Variants in TFPT observed in about 807,000 individuals in gnomAD.
TFPT encodes the protein TCF3 fusion partner, also known as INO80 complex subunit F.
In TFPT, 27 loss-of-function variants were observed where a neutral mutation model predicts 28.8. The observed-to-expected ratio is 0.94, with a 90% CI of 0.69 to 1.29. The LOEUF (loss-of-function observed/expected upper bound fraction) is 1.29, where lower values mean the gene tolerates loss of function less well. Ranked by LOEUF, TFPT falls within the 50% of genes most tolerant of loss-of-function variation. The probability of loss-of-function intolerance (pLI) is 0.00; values close to 1 mark genes in which losing one functional copy is unlikely to be tolerated. For synonymous variants in TFPT, 152 were observed against 142.8 expected (o/e 1.06, Z -0.46); for missense variants, 330 against 338.0 (o/e 0.98, Z 0.19).
At chr19:54,108,273 TG>T (rs1317087571) in intron 4 of TFPT, 29 bp from the exon 5 acceptor site, 4 of 1,575,340 alleles carry the variant, frequency 2.5e-6, no homozygotes, top group Non-Finnish European at 3.4e-6. Context: ...AGGTAGGTGA[TG>T]GGTGGGTCCT....
intron 2 of TFPT, among the ~76,000 whole-genome samples, chr19:54,111,739 C>T (rs2073462095): frequency 6.6e-6 from 1 of 150,640 alleles, no homozygotes; most frequent in Non-Finnish European, 1.5e-5. Context: ...AATCCCAGCA[C>T]TTTCAGAGGC....
At chr19:54,107,963 T>C (rs2073319916) in intron 5 of TFPT, 63 bp downstream of exon 5, 3 of 1,473,170 alleles carry the variant, frequency 2.0e-6, no homozygotes, top group Non-Finnish European at 2.7e-6. Context: ...TCCCCCCTCC[T>C]TACCTGCACT....
At chr19:54,108,444 T>C (rs1323820646) in intron 3 of TFPT, 49 bp from the exon 4 acceptor site, 10 of 1,613,900 alleles carry the variant, frequency 6.2e-6, no homozygotes, top group Non-Finnish European at 7.6e-6. Context: ...TCCTAGCGGC[T>C]GGGGAAAAGG....
Position 54,110,422 on chromosome 19 carries a change from TCCCATTAAGTCGAAACACA to T in TFPT, c.283-320_283-302del, listed in dbSNP as rs2073420887. On this transcript the variant is annotated intron_variant, in intron 2 of 5. Transcript: ENST00000391759. ...GTTACCTGCTCAGAGAGCCTGAACC[TCCCATTAAGTCGAAACACA>T]CCAGGCCAGGTGCGGTGGCTCACGC... is the stretch of plus-strand genomic sequence containing the variant. Among the ~76,000 whole-genome samples the T allele has an allele frequency of 2.0e-5, 3 of 152,108 alleles. No individual in the cohort carries two copies. In the South Asian group the frequency reaches 6.2e-4, roughly 32 times the overall value.
chr19:54,114,943 G>C (rs1290053596), intron 1 of TFPT: 15 of 671,662 alleles, frequency 2.2e-5, no homozygotes, highest in African/African-American at 5.5e-5. Context: ...CCTCCTCCCA[G>C]GATGCAAGAG....
chr19:54,115,105 C>G, intron 1 of TFPT, 142 bp downstream of exon 1: 1 of 1,290,756 alleles, frequency 7.7e-7, no homozygotes, highest in Non-Finnish European at 1.1e-6. Context: ...TGACCCCAGT[C>G]CATAAAAGGG....
In TFPT at chr19:54,107,077, C is replaced by T. The variant is rs1332096855; in HGVS notation, c.735G>A (p.Pro245=). The T allele has an allele frequency of 2.8e-5, 45 of 1,613,652 alleles. No individual in the cohort carries two copies. Among genetic ancestry groups the T allele is most frequent in the Middle Eastern group, 1.6e-4 (1 of 6,084 alleles). The change falls in exon 6 of 6, where the codon CCG becomes CCA. Residue 245 remains proline (P), a synonymous_variant. Coordinates refer to ENST00000391759, the MANE Select transcript of TFPT (RefSeq NM_013342.4). ...AGTCAGAGGCTGGGCTGGCCAGGGTCGGGTAGGGCAGCAGTTTGTCTGGAC... is the reference window on the plus strand; with the variant it reads ...AGTCAGAGGCTGGGCTGGCCAGGGTTGGGTAGGGCAGCAGTTTGTCTGGAC... ...SRGPDKLLPY[P]TLASPASD
chr19:54,114,441 C>G lies in TFPT; in HGVS notation c.282+1G>C, dbSNP rs2073552360. ...AAACCGGGGGATCCGCACTCACCTA[C>G]CTGCTCGATCTCCCGGCAGCGCCGA... On this transcript the variant is annotated splice_donor_variant, in intron 2 of 5. Transcript: ENST00000391759. LOFTEE classifies it high-confidence loss of function. 6.2e-7 allele frequency: 1 copy of G among 1,612,032 alleles called. No homozygotes were observed. Among genetic ancestry groups the G allele is most frequent in the Admixed American group, 1.7e-5 (1 of 59,944 alleles).
chr19:54,107,901 AC>A (rs1485211545), intron 5 of TFPT, 124 bp downstream of exon 5: 4 of 1,034,848 alleles, frequency 3.9e-6, no homozygotes, highest in African/African-American at 1.6e-5. Flanking sequence ...CAGAACCAAA[AC>A]CCAAGAGCCC....
intron 1 of TFPT, chr19:54,114,972 TTC>T: frequency 1.5e-6 from 1 of 662,002 alleles, no homozygotes; most frequent in Non-Finnish European, 2.5e-6. Flanking sequence ...TCCAGACTTT[TTC>T]TCTCCAAGGA....
chr19:54,108,334 C>T lies in TFPT; in HGVS notation c.415G>A (p.Val139Met). 1 of 1,605,978 alleles carries T rather than the reference C, an allele frequency of 6.2e-7. No homozygotes were observed. The highest frequency in any genetic ancestry group is 8.5e-7 in the Non-Finnish European group (1 of 1,175,942). ...GGAGGCCCAACACTCACCTCCAGCA[C>T]AATGGTGAACTGGCTGGCCCGGTAG... ...DDYRASQFTIVLEDEGSQGTD... is the reference protein window; with the variant it reads ...DDYRASQFTIMLEDEGSQGTD... The change falls in exon 4 of 6, where the codon GTG becomes ATG. Residue 139 changes from valine (V) to methionine (M), a missense_variant. Transcript: ENST00000391759.
intron 3 of TFPT, 30 bp downstream of exon 3, chr19:54,110,021 C>T: frequency 8.7e-6 from 14 of 1,611,756 alleles, no homozygotes; most frequent in Non-Finnish European, 1.1e-5. Flanking sequence ...CTGAGGCTCA[C>T]AGGCCCAGAG....
chr19:54,108,098 C>T lies in TFPT; in HGVS notation c.570G>A (p.Arg190=), dbSNP rs1303923761. The T allele has an allele frequency of 2.5e-6, 4 of 1,570,290 alleles. No homozygotes were observed. In the South Asian group the frequency reaches 3.5e-5, roughly 14 times the overall value. Residue 190 remains arginine, a synonymous_variant, in exon 5 of 6, where the codon CGG becomes CGA. Coordinates refer to ENST00000391759, the MANE Select transcript of TFPT (RefSeq NM_013342.4). ...CATCCCGTGGCACTCGCCGCCTCTT[C>T]CGCCCACTGGGCCCCTCACCGGGGG... ...SPAPGEGPSG[R]KRRRVPRDGR...
At chr19:54,113,951 C>T (rs2073532234) in intron 2 of TFPT, among the ~76,000 whole-genome samples, 1 of 152,190 alleles carries the variant, frequency 6.6e-6, no homozygotes, top group African/African-American at 2.4e-5. Context: ...CCTCAGCCTC[C>T]CAGTGCTAGG....
At chr19:54,110,492 C>A (rs587611379) in intron 2 of TFPT, among the ~76,000 whole-genome samples, 2 of 152,214 alleles carry the variant, frequency 1.3e-5, no homozygotes, top group African/African-American at 4.8e-5. Context: ...TTTGGGAGGC[C>A]GAGGCGAGTA....
intron 5 of TFPT, chr19:54,107,502 G>A (rs2073305438): frequency 3.0e-6 from 1 of 328,074 alleles, no homozygotes; most frequent in African/African-American, 2.2e-5. Flanking sequence ...TCCCACCTAG[G>A]CCTCCCAAAG....
rs2073301957 is a variant in TFPT at position 54,107,403 on chromosome 19, C to A, written c.643-234G>T. Reference sequence around the variant, plus strand: ...AGCTGGGACTACAGGCACTTGCCAACCAAGCCTAACATGTTTTTTCTTTTT... The same window carrying A: ...AGCTGGGACTACAGGCACTTGCCAAACAAGCCTAACATGTTTTTTCTTTTT... On this transcript the variant is annotated intron_variant, in intron 5 of 5. Transcript: ENST00000391759. The A allele has an allele frequency of 5.4e-6, 3 of 554,040 alleles. No homozygotes were observed. In the Admixed American group the frequency reaches 1.0e-4, roughly 18 times the overall value. The allele number at this position is 554,040 out of a possible 1,614,324, so 34.3% of individuals were successfully genotyped here.
intron 3 of TFPT, chr19:54,108,989 G>A: frequency 5.6e-6 from 1 of 177,872 alleles, no homozygotes; most frequent in Admixed American, 5.5e-5. Context: ...CCACCTCCCT[G>A]GTACCAGCGA....
rs368833895 is a variant in TFPT at position 54,108,091 on chromosome 19, G to C, written c.577C>G (p.Arg193Gly). The C allele has an allele frequency of 1.3e-6, 2 of 1,564,490 alleles. No homozygotes were observed. Among genetic ancestry groups the C allele is most frequent in the East Asian group, 4.5e-5 (2 of 44,430 alleles). ...PGEGPSGRKR[R>G]RVPRDGRRAG... The stretch of plus-strand genomic sequence containing the variant: ...CGGCGTCCATCCCGTGGCACTCGCC[G>C]CCTCTTCCGCCCACTGGGCCCCTCA... The change falls in exon 5 of 6, where the codon CGG becomes GGG. Residue 193 changes from arginine to glycine, a missense_variant. Coordinates refer to ENST00000391759, the MANE Select transcript of TFPT (RefSeq NM_013342.4).
Sources: allele counts gnomAD v4.1 joint callset (sites outside exome capture counted in the v4.1 genomes callset), GRCh38; gene constraint gnomAD v4.1.1; transcripts MANE v1.5; gene names NCBI Gene and HGNC (gene_info 2026-07-23, HGNC 2026-07-21).